Variants in SOX5 observed in about 807,000 individuals in gnomAD.
SOX5 encodes transcription factor SOX-5.
Under a neutral mutation model 92.0 loss-of-function variants are expected in SOX5, and 9 were observed. The ratio of observed to expected loss-of-function variants is 0.10; its 90% CI spans 0.06 to 0.17. The LOEUF (loss-of-function observed/expected upper bound fraction) is 0.17. SOX5 is among the 10% of genes least tolerant of loss of function. The probability of loss-of-function intolerance (pLI) is 1.00; values close to 1 mark genes in which losing one functional copy is unlikely to be tolerated. For missense variants in SOX5, 642 were observed against 944.5 expected (o/e 0.68, Z 4.20); for synonymous variants, 344 against 336.3 (o/e 1.02, Z -0.25).
chr12:23,971,217 G>A (rs527993465), intron 4 of SOX5, among the ~76,000 whole-genome samples: 12 of 140,566 alleles, frequency 8.5e-5, no homozygotes, highest in African/African-American at 2.7e-4. Context: ...CCGCCTCCTG[G>A]GTTCATGCCA....
At chr12:23,847,288 A>C (rs1407097665) in intron 2 of SOX5, among the ~76,000 whole-genome samples, 2 of 152,150 alleles carry the variant, frequency 1.3e-5, no homozygotes, top group Non-Finnish European at 2.9e-5. Flanking sequence ...ACAACATTAA[A>C]AGTTCGCATT....
chr12:24,269,688 C>CTTTTTTTTTTTTT (rs58098308), intron 3 of SOX5, among the ~76,000 whole-genome samples: 10 of 116,752 alleles, frequency 8.6e-5, no homozygotes, highest in East Asian at 2.4e-4. Flanking sequence ...TATTTTTATT[C>CTTTTTTTTTTTTT]TTTTTTTTTT....
chr12:23,985,884 G>T (rs1950017977), intron 4 of SOX5, among the ~76,000 whole-genome samples: 1 of 151,928 alleles, frequency 6.6e-6, no homozygotes, highest in African/African-American at 2.4e-5. Flanking sequence ...GCCTTTTCTA[G>T]CTTCTAGAAT....
chr12:24,544,511 G>A (rs1597796268), intron 1 of SOX5, among the ~76,000 whole-genome samples: 1 of 152,146 alleles, frequency 6.6e-6, no homozygotes, highest in African/African-American at 2.4e-5. Context: ...AAGGGTAATG[G>A]TGTCAGTGTG....
chr12:24,224,795 C>A (rs1481424114), intron 3 of SOX5, among the ~76,000 whole-genome samples: 1 of 152,142 alleles, frequency 6.6e-6, no homozygotes, highest in African/African-American at 2.4e-5. Flanking sequence ...ACTGCATGAG[C>A]ACTGATAAGT....
At chr12:24,539,858 T>C (rs1211917493) in intron 1 of SOX5, among the ~76,000 whole-genome samples, 2 of 152,090 alleles carry the variant, frequency 1.3e-5, no homozygotes, top group Non-Finnish European at 2.9e-5. Flanking sequence ...GTTCTTAAAA[T>C]AAGAAAACAT....
intron 8 of SOX5, among the ~76,000 whole-genome samples, chr12:23,617,109 G>C: frequency 8.1e-6 from 1 of 122,856 alleles, no homozygotes; most frequent in Non-Finnish European, 1.6e-5. Flanking sequence ...CTGGGCAATA[G>C]AACAAGACTC....
chr12:24,347,137 G>A (rs965166453), intron 2 of SOX5, among the ~76,000 whole-genome samples: 1 of 152,066 alleles, frequency 6.6e-6, no homozygotes, highest in Non-Finnish European at 1.5e-5. Context: ...AATATTTGGG[G>A]AAAAAAATTC....
chr12:23,897,664 A>C (rs1177158063), intron 1 of SOX5, among the ~76,000 whole-genome samples: 1 of 152,196 alleles, frequency 6.6e-6, no homozygotes, highest in Non-Finnish European at 1.5e-5. Context: ...CAGATTGCCT[A>C]GTAAAGGGTT....
At chr12:23,870,117 T>A (rs2096857465) in intron 2 of SOX5, among the ~76,000 whole-genome samples, 1 of 152,032 alleles carries the variant, frequency 6.6e-6, no homozygotes, top group African/African-American at 2.4e-5. Flanking sequence ...ATACTGTTAC[T>A]CAGAATGCCC....
intron 4 of SOX5, among the ~76,000 whole-genome samples, chr12:24,136,742 T>C (rs1950143007): frequency 6.6e-6 from 1 of 152,230 alleles, no homozygotes; most frequent in Non-Finnish European, 1.5e-5. Context: ...AAAAGGCTGC[T>C]TGAACAGCAA....
chr12:23,949,551 A>C lies in SOX5; in HGVS notation c.38+13T>G. On this transcript the variant is annotated intron_variant, in intron 1 of 14. Coordinates refer to ENST00000451604, the MANE Select transcript of SOX5 (RefSeq NM_006940.6). ...TGTACTTCAATATATTAGGGGGAAA[A>C]AACTGTACTCACCTTTCAAACTCCT... 6.2e-7 allele frequency: 1 copy of C among 1,613,564 alleles called. No homozygotes were observed. Among genetic ancestry groups the C allele is most frequent in the South Asian group, 1.1e-5 (1 of 91,064 alleles).
intron 6 of SOX5, among the ~76,000 whole-genome samples, chr12:23,672,830 CAAT>C (rs2085014160): frequency 6.6e-6 from 1 of 152,070 alleles, no homozygotes; most frequent in Non-Finnish European, 1.5e-5. Flanking sequence ...TACTTTAACA[CAAT>C]AAAATTTCAT....
At chr12:24,268,841 T>C (rs1943338665) in intron 3 of SOX5, among the ~76,000 whole-genome samples, 1 of 152,216 alleles carries the variant, frequency 6.6e-6, no homozygotes, top group Non-Finnish European at 1.5e-5. Context: ...CACATTTTTA[T>C]CTACAGGTGG....
chr12:23,729,865 C>T (rs1393340189), intron 6 of SOX5, among the ~76,000 whole-genome samples: 1 of 152,104 alleles, frequency 6.6e-6, no homozygotes, highest in Non-Finnish European at 1.5e-5. Context: ...ACCTTAAATT[C>T]CACTAAGTAT....
intron 4 of SOX5, among the ~76,000 whole-genome samples, chr12:24,179,607 C>T (rs529182930): frequency 6.6e-5 from 10 of 152,128 alleles, no homozygotes; most frequent in Non-Finnish European, 1.5e-4. Flanking sequence ...TCTGTGTCTC[C>T]TGATTCTGGT....
At chr12:23,839,754 T>G (rs73263751) in intron 3 of SOX5, among the ~76,000 whole-genome samples, 187 of 151,784 alleles carry the variant, frequency 1.2e-3, no homozygotes, top group African/African-American at 4.4e-3. Context: ...GAAAAATATT[T>G]GACAAATTCT....
rs180756997 is a variant in SOX5, at chr12:23,880,052, T to A, written c.270+15741A>T. 9.4e-4 allele frequency among the ~76,000 whole-genome samples: 143 copies of A among 152,298 alleles called. 1 individual carries two copies. In the Middle Eastern group the frequency reaches 0.014, roughly 14 times the overall value. On this transcript the variant is annotated intron_variant, in intron 2 of 14. Transcript: ENST00000451604. ...CAGATATATAGCCCCAGTGTGAGGATGCACCACAGCAGTACCCTAAGAAAG... is the reference window on the plus strand; with the variant it reads ...CAGATATATAGCCCCAGTGTGAGGAAGCACCACAGCAGTACCCTAAGAAAG...
At chr12:24,433,279 G>C (rs887313663) in intron 1 of SOX5, among the ~76,000 whole-genome samples, 1 of 152,156 alleles carries the variant, frequency 6.6e-6, no homozygotes, top group Admixed American at 6.6e-5. Context: ...ATAGCAGAAG[G>C]TTCTATAAAA....
Sources: allele counts gnomAD v4.1 joint callset (sites outside exome capture counted in the v4.1 genomes callset), GRCh38; gene constraint gnomAD v4.1.1; transcripts MANE v1.5; gene names NCBI Gene and HGNC (gene_info 2026-07-23, HGNC 2026-07-21).